The following VAV3 variants were observed in gnomAD, a reference collection of about 807,000 sequenced individuals.
VAV3 encodes the protein vav guanine nucleotide exchange factor 3, also known as guanine nucleotide exchange factor VAV3.
A neutral mutation model predicts 131.2 loss-of-function variants in VAV3; 94 were observed. That is an observed-to-expected ratio of 0.72 (90% CI 0.61 to 0.85). The LOEUF is 0.85. VAV3 is among the 40% of genes least tolerant of loss of function. The pLI is 0.00. For missense variants in VAV3, 939 were observed against 1,002.7 expected, an observed-to-expected ratio of 0.94 and a Z score of 0.86; for synonymous variants, 349 against 342.0, an observed-to-expected ratio of 1.02 and a Z score of -0.22.
intron 2 of VAV3, among the ~76,000 whole-genome samples, chr1:107,855,550 T>C (rs1669430461): frequency 6.6e-6 from 1 of 152,088 alleles, no homozygotes; most frequent in African/African-American, 2.4e-5. Context: ...AGTGCTAAGA[T>C]TACAGGTGTG....
At chr1:107,753,549 T>TATGTATATATATATACAC (rs771773884) in intron 12 of VAV3, among the ~76,000 whole-genome samples, 1,489 of 81,980 alleles carry the variant, frequency 0.018, 51 homozygotes, top group Non-Finnish European at 0.027. Flanking sequence ...TATATATATA[T>TATGTATATATATATACAC]ACACACACAC....
intron 3 of VAV3, 26 bp from the exon 4 acceptor site, chr1:107,777,322 C>CAA (rs762325019): frequency 6.2e-7 from 1 of 1,604,470 alleles, no homozygotes; most frequent in African/African-American, 1.3e-5. Flanking sequence ...AAAACAAAAA[C>CAA]AAAAAAACAA....
rs1416903492 is a variant in VAV3 at position 107,575,517 on chromosome 1, T to TA, written c.2351-1320dup. 1.1e-4 allele frequency among the ~76,000 whole-genome samples: 16 copies of TA among 152,198 alleles called. No individual in the cohort carries two copies. In the South Asian group the frequency reaches 2.5e-3, roughly 24 times the overall value. On this transcript the variant is annotated intron_variant, in intron 25 of 26. Coordinates refer to ENST00000370056, the MANE Select transcript of VAV3 (RefSeq NM_006113.5). ...CTAGATTTCAGAACTGTAAAGGGAGTAAAAATAGGTCATTTTGTTTTACTG... is the reference window on the plus strand; with the variant it reads ...CTAGATTTCAGAACTGTAAAGGGAGTAAAAAATAGGTCATTTTGTTTTACTG...
intron 2 of VAV3, among the ~76,000 whole-genome samples, chr1:107,789,331 G>T (rs897574158): frequency 2.0e-5 from 3 of 152,204 alleles, no homozygotes; most frequent in Non-Finnish European, 4.4e-5. Context: ...AATGCAGAAA[G>T]TCTCAGAAAG....
At chr1:107,735,854 T>G (rs539568312) in intron 15 of VAV3, among the ~76,000 whole-genome samples, 36 of 152,236 alleles carry the variant, frequency 2.4e-4, no homozygotes, top group Non-Finnish European at 3.5e-4. Flanking sequence ...ACTCATTTTA[T>G]GAGGTCAGCA....
intron 20 of VAV3, among the ~76,000 whole-genome samples, chr1:107,639,983 A>C (rs901479479): frequency 2.6e-5 from 4 of 152,108 alleles, no homozygotes; most frequent in Non-Finnish European, 5.9e-5. Flanking sequence ...GGCAAGGATA[A>C]GAGGCACCTA....
chr1:107,747,996 GTAAA>G (rs1220158012), intron 15 of VAV3, among the ~76,000 whole-genome samples: 3 of 150,398 alleles, frequency 2.0e-5, no homozygotes, highest in Non-Finnish European at 4.4e-5. Context: ...CTTTATAAGC[GTAAA>G]TAGTTTGGCT....
chr1:107,907,660 TTCTCTCTCTCTCTCACACACACACGCGC>T (rs1672168776), intron 1 of VAV3, among the ~76,000 whole-genome samples: 1 of 150,978 alleles, frequency 6.6e-6, no homozygotes, highest in African/African-American at 2.4e-5. Flanking sequence ...TGTGCGTGCG[TTCTCTCTCTCTCTCACACACACACGCGC>T]TCTCTCTCTC....
chr1:107,598,801 T>TACACAC (rs35317053), intron 24 of VAV3, among the ~76,000 whole-genome samples: 7,731 of 149,938 alleles, frequency 0.052, 212 homozygotes, highest in Middle Eastern at 0.09. Flanking sequence ...GTCTCTGGAA[T>TACACAC]ACACACACAC....
chr1:107,903,110 G>A (rs543636426), intron 1 of VAV3, among the ~76,000 whole-genome samples: 2 of 152,038 alleles, frequency 1.3e-5, no homozygotes, highest in Admixed American at 6.6e-5. Context: ...GAAAAAAATC[G>A]AAGTTAAGAC....
Position 107,705,042 on chromosome 1 carries a change from A to T in VAV3, c.1522T>A (p.Tyr508Asn), listed in dbSNP as rs1294382526. The change falls in exon 16 of 27, where the codon TAT becomes AAT. Residue 508 changes from tyrosine to asparagine, a missense_variant. Transcript: ENST00000370056. ...AAGTCGTGGAAATTGGAGTCTGCATAGTCTGGTCTTATGTTAGACCTAAAA... is the reference window on the plus strand; with the variant it reads ...AAGTCGTGGAAATTGGAGTCTGCATTGTCTGGTCTTATGTTAGACCTAAAA... ...EMALSNIRPD[Y>N]ADSNFHDFKM... 1 of 1,613,324 alleles carries T rather than the reference A, an allele frequency of 6.2e-7. No homozygotes were observed. The highest frequency in any genetic ancestry group is 1.7e-5 in the Admixed American group (1 of 59,964).
Position 107,922,821 on chromosome 1 carries a change from G to A in VAV3, c.204+41845C>T, listed in dbSNP as rs982181302. Among the ~76,000 whole-genome samples the A allele has an allele frequency of 5.9e-5, 9 of 151,862 alleles. 1 individual carries two copies. The highest frequency in any genetic ancestry group is 2.1e-4 in the South Asian group (1 of 4,816). ...CAAAAAATTAGCCGGGCGTGGTGGC[G>A]GGCGCCTGTAGTCCCAGCTACTCGG... On this transcript the variant is annotated intron_variant, in intron 1 of 26. Transcript: ENST00000370056.
chr1:107,703,656 C>T (rs531358646), intron 17 of VAV3, among the ~76,000 whole-genome samples: 3 of 152,194 alleles, frequency 2.0e-5, no homozygotes, highest in African/African-American at 7.2e-5. Flanking sequence ...ATGAGCTATT[C>T]TCTGTTTCAC....
intron 15 of VAV3, among the ~76,000 whole-genome samples, chr1:107,709,695 G>T (rs7522435): frequency 0.54 from 82,106 of 151,918 alleles, 23,127 homozygotes; most frequent in South Asian, 0.72. Flanking sequence ...CTCATGATAC[G>T]GAGTTATTTC....
At chr1:107,769,293 C>T (rs1312499436) in intron 6 of VAV3, among the ~76,000 whole-genome samples, 2 of 150,202 alleles carry the variant, frequency 1.3e-5, no homozygotes, top group East Asian at 4.1e-4. Flanking sequence ...TCAAGTCTAA[C>T]TTGCCACATA....
chr1:107,779,574 A>G lies in VAV3; in HGVS notation c.322-82T>C, dbSNP rs1348066321. ...TTTTCCAAAATTTTTTCAATCTAAT[A>G]TTAACCATAGCAGCAGAAACATAAA... On this transcript the variant is annotated intron_variant, in intron 2 of 26. Coordinates refer to ENST00000370056, the MANE Select transcript of VAV3 (RefSeq NM_006113.5). 5.3e-5 allele frequency: 57 copies of G among 1,081,808 alleles called. No individual in the cohort carries two copies. In the East Asian group the frequency reaches 1.6e-3, roughly 31 times the overall value. The allele number at this position is 1,081,808 out of a possible 1,614,324, so 67.0% of individuals were successfully genotyped here. A position where few individuals can be genotyped will look rare whatever the true frequency, so the allele number is the denominator to read the frequency against.
chr1:107,631,659 G>C (rs561126993), intron 20 of VAV3, among the ~76,000 whole-genome samples: 1 of 121,150 alleles, frequency 8.3e-6, no homozygotes, highest in African/African-American at 3.3e-5. Flanking sequence ...CCCAGAGTGT[G>C]ATGTTCCCCT....
intron 1 of VAV3, among the ~76,000 whole-genome samples, chr1:107,885,457 C>T (rs994922713): frequency 7.9e-5 from 12 of 151,552 alleles, no homozygotes; most frequent in Non-Finnish European, 1.6e-4. Flanking sequence ...AAAATACAGT[C>T]AAAAAACATT....
chr1:107,882,145 A>G (rs1670812137), intron 1 of VAV3, among the ~76,000 whole-genome samples: 1 of 152,162 alleles, frequency 6.6e-6, no homozygotes, highest in Admixed American at 6.5e-5. Flanking sequence ...TTGTGAGATG[A>G]GTTATTTCAG....
Sources: allele counts gnomAD v4.1 joint callset (sites outside exome capture counted in the v4.1 genomes callset), GRCh38; gene constraint gnomAD v4.1.1; transcripts MANE v1.5; gene names NCBI Gene and HGNC (gene_info 2026-07-23, HGNC 2026-07-21).